AMOTL1: variants seen among roughly 807,000 people sequenced by gnomAD.
AMOTL1 encodes angiomotin like 1.
Under a neutral mutation model 102.9 loss-of-function variants are expected in AMOTL1, and 45 were observed. The observed-to-expected ratio is 0.44, with a 90% CI of 0.34 to 0.56. The LOEUF is 0.56. Ranked by LOEUF, AMOTL1 falls within the 20% of genes least tolerant of loss-of-function variation. The pLI is 0.01. For synonymous variants in AMOTL1, 481 were observed against 484.7 expected (o/e 0.99, Z 0.10); for missense variants, 1,114 against 1,225.6 (o/e 0.91, Z 1.36).
chr11:94,821,192 C>T lies in AMOTL1; in HGVS notation c.1122-338C>T, dbSNP rs75548592. Reference sequence around the variant, plus strand: ...TAGGAAGTAGCCATGGGGTCATTCCCTGTCACTTGGGGTCATTCCCTGTCA... The same window carrying T: ...TAGGAAGTAGCCATGGGGTCATTCCTTGTCACTTGGGGTCATTCCCTGTCA... On this transcript the variant is annotated intron_variant, in intron 3 of 12. Coordinates refer to ENST00000433060, the MANE Select transcript of AMOTL1 (RefSeq NM_130847.3). Among the ~76,000 whole-genome samples the T allele has an allele frequency of 5.8e-3, 890 of 152,316 alleles. 10 individuals are homozygous for T. The highest frequency in any genetic ancestry group is 0.02 in the African/African-American group (850 of 41,570).
chr11:94,826,726 C>T (rs918382133), intron 4 of AMOTL1, among the ~76,000 whole-genome samples: 3 of 152,194 alleles, frequency 2.0e-5, no homozygotes, highest in Non-Finnish European at 4.4e-5. Flanking sequence ...CCACTAGGCC[C>T]CACCTCCCAA....
chr11:94,715,441 G>A (rs1950082132), intron 1 of AMOTL1, among the ~76,000 whole-genome samples: 1 of 152,110 alleles, frequency 6.6e-6, no homozygotes, highest in Non-Finnish European at 1.5e-5. Context: ...AAAGTGCTGG[G>A]ATTATAGGTG....
intron 1 of AMOTL1, among the ~76,000 whole-genome samples, chr11:94,724,371 A>G (rs1414877745): frequency 6.6e-6 from 1 of 152,050 alleles, no homozygotes; most frequent in African/African-American, 2.4e-5. Flanking sequence ...TTTTGTTGAG[A>G]CTCTGAAAGT....
intron 11 of AMOTL1, 31 bp downstream of exon 11, chr11:94,866,199 T>G: frequency 6.2e-7 from 1 of 1,604,030 alleles, no homozygotes; most frequent in South Asian, 1.1e-5. Flanking sequence ...AGACCATGAT[T>G]GGAAAAGCAA....
intron 6 of AMOTL1, among the ~76,000 whole-genome samples, chr11:94,835,731 G>A (rs986471261): frequency 6.6e-6 from 1 of 152,194 alleles, no homozygotes; most frequent in Non-Finnish European, 1.5e-5. Flanking sequence ...AGGCACTGCA[G>A]GTTCAACATA....
intron 1 of AMOTL1, among the ~76,000 whole-genome samples, chr11:94,724,254 A>G (rs1455156300): frequency 1.3e-5 from 2 of 152,164 alleles, no homozygotes; most frequent in South Asian, 4.1e-4. Context: ...CTACATCTGC[A>G]AGGCTGGAGA....
chr11:94,870,531 T>A (rs1952976140), intron 12 of AMOTL1, among the ~76,000 whole-genome samples, 158 bp from the exon 13 acceptor site: 1 of 152,220 alleles, frequency 6.6e-6, no homozygotes, highest in Admixed American at 6.5e-5. Flanking sequence ...GGCCCAGTCA[T>A]TCTGCATGTT....
intron 6 of AMOTL1, among the ~76,000 whole-genome samples, chr11:94,846,550 A>G (rs1425609292): frequency 6.6e-6 from 1 of 152,236 alleles, no homozygotes; most frequent in Non-Finnish European, 1.5e-5. Context: ...GCCTCTGAGT[A>G]GTAGATGCTT....
Position 94,873,287 on chromosome 11 carries a change from C to T in AMOTL1, c.*2492C>T, listed in dbSNP as rs1198259296. 2 of 152,130 alleles carry T rather than the reference C, an allele frequency of 1.3e-5. No homozygotes were observed. The highest frequency in any genetic ancestry group is 1.3e-4 in the Admixed American group (2 of 15,274). The allele number at this position is 152,130 out of a possible 1,614,324, so 9.4% of individuals were successfully genotyped here. ...TTGACCGTATTTTTTTTCTCTTAAC[C>T]TACTGAGACTCTTCCTTAAGAACAG... is the stretch of plus-strand genomic sequence containing the variant. On this transcript the variant is annotated 3_prime_UTR_variant, in exon 13 of 13. Coordinates refer to ENST00000433060, the MANE Select transcript of AMOTL1 (RefSeq NM_130847.3).
chr11:94,853,015 G>T (rs536786693), intron 7 of AMOTL1, among the ~76,000 whole-genome samples: 4 of 152,008 alleles, frequency 2.6e-5, no homozygotes, highest in Non-Finnish European at 5.9e-5. Flanking sequence ...TTTTTTCATG[G>T]ATAGACATTG....
At chr11:94,835,708 T>G (rs1952166021) in intron 6 of AMOTL1, among the ~76,000 whole-genome samples, 1 of 152,206 alleles carries the variant, frequency 6.6e-6, no homozygotes, top group South Asian at 2.1e-4. Context: ...TCTCCACCGC[T>G]TTGGGATTTG....
At chr11:94,763,006 T>G (rs1591940691) in intron 3 of AMOTL1, among the ~76,000 whole-genome samples, 2 of 152,320 alleles carry the variant, frequency 1.3e-5, no homozygotes, top group East Asian at 3.9e-4. Flanking sequence ...TTAATAAATA[T>G]TTGTTGGGAA....
In AMOTL1 at chr11:94,800,270, C is replaced by G. The variant is rs368729646; in HGVS notation, c.1080C>G (p.Ala360=). 13 of 1,612,820 alleles carry G rather than the reference C, an allele frequency of 8.1e-6. No homozygotes were observed. Among genetic ancestry groups the G allele is most frequent in the Middle Eastern group, 1.6e-4 (1 of 6,074 alleles). Residue 360 remains alanine, a synonymous_variant, in exon 3 of 13, where the codon GCC becomes GCG. Transcript: ENST00000433060. ...PAPQPVRTDV[A]VLRYQPPPEY... is the part of the protein sequence containing the mutation. ...CTCAGCCTGTGAGAACAGATGTGGCCGTCCTGCGGTACCAGCCACCCCCTG... is the reference window on the plus strand; with the variant it reads ...CTCAGCCTGTGAGAACAGATGTGGCGGTCCTGCGGTACCAGCCACCCCCTG...
At chr11:94,850,033 C>T in intron 6 of AMOTL1, 81 bp from the exon 7 acceptor site, 1 of 1,422,708 alleles carries the variant, frequency 7.0e-7, no homozygotes, top group Non-Finnish European at 9.4e-7. Context: ...ATTTTTAATC[C>T]TTGCCAGATG....
intron 3 of AMOTL1, among the ~76,000 whole-genome samples, chr11:94,801,366 A>T (rs1196879033): frequency 6.6e-6 from 1 of 152,006 alleles, no homozygotes; most frequent in Non-Finnish European, 1.5e-5. Flanking sequence ...TTGGACAGGG[A>T]AGTTGGGACC....
chr11:94,802,971 T>G (rs1198223798), intron 3 of AMOTL1, among the ~76,000 whole-genome samples: 1 of 152,172 alleles, frequency 6.6e-6, no homozygotes, highest in Non-Finnish European at 1.5e-5. Context: ...TCGTGATGGT[T>G]TAGGAAGCTG....
At chr11:94,845,739 G>A (rs1313439732) in intron 6 of AMOTL1, among the ~76,000 whole-genome samples, 2 of 152,194 alleles carry the variant, frequency 1.3e-5, no homozygotes, top group Admixed American at 6.5e-5. Context: ...TGCCATCACT[G>A]TGGTTTCAAG....
chr11:94,864,883 G>C (rs367589149), intron 10 of AMOTL1, 23 bp downstream of exon 10: 1 of 1,607,504 alleles, frequency 6.2e-7, no homozygotes, highest in South Asian at 1.1e-5. Context: ...TATGTGTGAC[G>C]TGTGGGGCCC....
At chr11:94,759,728 A>C (rs1374567996) in intron 3 of AMOTL1, among the ~76,000 whole-genome samples, 3 of 152,230 alleles carry the variant, frequency 2.0e-5, no homozygotes, top group Non-Finnish European at 4.4e-5. Flanking sequence ...AATATCTGCC[A>C]TACTGATGGA....
Sources: allele counts gnomAD v4.1 joint callset (sites outside exome capture counted in the v4.1 genomes callset), GRCh38; gene constraint gnomAD v4.1.1; transcripts MANE v1.5; gene names NCBI Gene and HGNC (gene_info 2026-07-23, HGNC 2026-07-21).